The following GRIK3 variants were observed in gnomAD, a reference collection of about 807,000 sequenced individuals.
GRIK3 encodes glutamate receptor ionotropic, kainate 3.
In GRIK3, 29 loss-of-function variants were observed where a neutral mutation model predicts 102.5. That is an observed-to-expected ratio of 0.28 (90% CI 0.21 to 0.39). The LOEUF (loss-of-function observed/expected upper bound fraction) is 0.39. GRIK3 is among the 10% of genes least tolerant of loss of function. GRIK3 has a pLI of 1.00. For synonymous variants in GRIK3, 511 were observed against 504.9 expected, an observed-to-expected ratio of 1.01 and a Z score of -0.16; for missense variants, 908 against 1,252.4, an observed-to-expected ratio of 0.73 and a Z score of 4.15.
At chr1:36,958,960 GCACCCCA>G (rs1475016653) in intron 1 of GRIK3, among the ~76,000 whole-genome samples, 4 of 126,568 alleles carry the variant, frequency 3.2e-5, no homozygotes, top group South Asian at 2.9e-4. Flanking sequence ...CTGTGAGCCT[GCACCCCA>G]TGAGCCTCTG....
At chr1:36,969,316 A>C (rs1642117164) in intron 1 of GRIK3, among the ~76,000 whole-genome samples, 1 of 152,234 alleles carries the variant, frequency 6.6e-6, no homozygotes, top group African/African-American at 2.4e-5. Flanking sequence ...CATTCTGAGA[A>C]CAGTGAACGT....
chr1:36,839,256 C>T (rs866533535), intron 10 of GRIK3, among the ~76,000 whole-genome samples: 2 of 152,146 alleles, frequency 1.3e-5, no homozygotes, highest in African/African-American at 2.4e-5. Flanking sequence ...CACTCATAAA[C>T]GCAGGGGAAT....
At chr1:37,011,023 G>A (rs977368140) in intron 1 of GRIK3, among the ~76,000 whole-genome samples, 1 of 152,212 alleles carries the variant, frequency 6.6e-6, no homozygotes, top group African/African-American at 2.4e-5. Flanking sequence ...TTACAGGCGT[G>A]AGCCACCACG....
In GRIK3 at chr1:36,819,632, G is replaced by C. The variant is rs1222600113; in HGVS notation, c.1873+104C>G. 1.4e-6 allele frequency: 1 copy of C among 700,214 alleles called. No homozygotes were observed. Among genetic ancestry groups the C allele is most frequent in the Non-Finnish European group, 2.6e-6 (1 of 378,194 alleles). 43.4% of individuals were successfully genotyped at this position (700,214 alleles called of 1,614,324 possible). On this transcript the variant is annotated intron_variant, in intron 12 of 15. Transcript: ENST00000373091. The surrounding 1 kb of genome is among the most constrained non-coding windows in gnomAD (Gnocchi z 4.1). ...TTCTGCCGGCTCATCAGGGTCTGAG[G>C]CTACCCCTAGAGGTGTGGGCTGGCT...
intron 1 of GRIK3, among the ~76,000 whole-genome samples, chr1:36,980,659 C>T (rs1303437185): frequency 3.3e-5 from 5 of 151,980 alleles, no homozygotes; most frequent in East Asian, 1.9e-4. Context: ...CCCAGGGTCC[C>T]GCAAGGTCTG....
intron 1 of GRIK3, among the ~76,000 whole-genome samples, chr1:36,904,812 T>C (rs1338346323): frequency 6.6e-6 from 1 of 152,166 alleles, no homozygotes; most frequent in Non-Finnish European, 1.5e-5. Flanking sequence ...TGGGGCCAGA[T>C]GAAGGGCACA....
chr1:37,002,509 G>C (rs1642488052), intron 1 of GRIK3, among the ~76,000 whole-genome samples: 1 of 152,178 alleles, frequency 6.6e-6, no homozygotes, highest in Admixed American at 6.5e-5. Context: ...ATCAAGCTGT[G>C]CACTTGAACT....
intron 1 of GRIK3, among the ~76,000 whole-genome samples, chr1:36,934,787 T>A (rs1274171204): frequency 6.6e-6 from 1 of 152,132 alleles, no homozygotes. Flanking sequence ...CCCAGCAAGA[T>A]CATGCTAAAT....
intron 1 of GRIK3, among the ~76,000 whole-genome samples, chr1:36,960,411 G>A (rs1417801912): frequency 2.0e-5 from 3 of 152,202 alleles, no homozygotes; most frequent in Non-Finnish European, 2.9e-5. Context: ...GGTATTTAAC[G>A]CAGTACTTGG....
chr1:36,846,318 T>A (rs1452117662), intron 9 of GRIK3, among the ~76,000 whole-genome samples: 1 of 152,132 alleles, frequency 6.6e-6, no homozygotes, highest in Non-Finnish European at 1.5e-5. Context: ...TGTCCATCTG[T>A]CTGTCCAGGG....
At chr1:36,875,349 C>T (rs1351680835) in intron 3 of GRIK3, among the ~76,000 whole-genome samples, 3 of 152,252 alleles carry the variant, frequency 2.0e-5, no homozygotes, top group Admixed American at 1.3e-4. Flanking sequence ...GTGGGGCAAA[C>T]ACTGGCTGCC....
chr1:36,934,479 C>T (rs1047342760), intron 1 of GRIK3, among the ~76,000 whole-genome samples: 1 of 152,156 alleles, frequency 6.6e-6, no homozygotes, highest in African/African-American at 2.4e-5. Flanking sequence ...CAAGGCTGTC[C>T]CCTCTGGTGG....
At chr1:36,980,826 C>T (rs1258917898) in intron 1 of GRIK3, among the ~76,000 whole-genome samples, 1 of 152,134 alleles carries the variant, frequency 6.6e-6, no homozygotes, top group Non-Finnish European at 1.5e-5. Flanking sequence ...AGCAGATGAA[C>T]CATCACAAAA....
intron 1 of GRIK3, among the ~76,000 whole-genome samples, chr1:36,918,206 C>T (rs1641423567): frequency 6.6e-6 from 1 of 152,226 alleles, no homozygotes; most frequent in African/African-American, 2.4e-5. Context: ...GTATCACTAA[C>T]ACCTATAGAA....
chr1:36,983,828 C>T (rs900104201), intron 1 of GRIK3, among the ~76,000 whole-genome samples: 3 of 152,032 alleles, frequency 2.0e-5, no homozygotes, highest in Admixed American at 6.5e-5. Flanking sequence ...TTTAGATTTC[C>T]ACTCATTCTT....
At chr1:37,030,787 C>G (rs1399304010) in intron 1 of GRIK3, among the ~76,000 whole-genome samples, 3 of 152,062 alleles carry the variant, frequency 2.0e-5, no homozygotes, top group Non-Finnish European at 2.9e-5. Context: ...AATGGCATAA[C>G]AGTGCCCGCC....
intron 1 of GRIK3, among the ~76,000 whole-genome samples, chr1:37,005,118 C>A (rs1040781218): frequency 6.6e-6 from 1 of 152,226 alleles, no homozygotes; most frequent in Non-Finnish European, 1.5e-5. Context: ...CCTACTCCTG[C>A]GACTCCCACT....
intron 10 of GRIK3, among the ~76,000 whole-genome samples, chr1:36,834,694 A>C (rs976758606): frequency 5.9e-5 from 9 of 152,090 alleles, no homozygotes; most frequent in Non-Finnish European, 1.3e-4. Flanking sequence ...TTCAGGGCGC[A>C]CTCCAAAGGA....
chr1:36,955,782 G>T (rs1315239757), intron 1 of GRIK3, among the ~76,000 whole-genome samples: 1 of 152,346 alleles, frequency 6.6e-6, no homozygotes, highest in East Asian at 1.9e-4. Context: ...ACACATTCAC[G>T]CAAGTGCTCA....
Sources: gnomAD v4.1 joint callset for allele counts (sites outside exome capture counted in the v4.1 genomes callset) on GRCh38, gnomAD v4.1.1 for gene constraint, Gnocchi (gnomAD v3.1) non-coding constraint, MANE v1.5 for transcripts, NCBI Gene and HGNC (gene_info 2026-07-23, HGNC 2026-07-21) for gene names.